The following DLC1 variants were observed in gnomAD, a reference collection of about 807,000 sequenced individuals.
DLC1 encodes the protein DLC1 Rho GTPase activating protein, also known as rho GTPase-activating protein 7.
Under a neutral mutation model 140.3 loss-of-function variants are expected in DLC1, and 54 were observed. The ratio of observed to expected loss-of-function variants is 0.38; its 90% CI spans 0.31 to 0.48. DLC1 has a LOEUF of 0.48. DLC1 is among the 20% of genes least tolerant of loss of function. The probability of loss-of-function intolerance (pLI) is 0.96; values close to 1 mark genes in which losing one functional copy is unlikely to be tolerated. For missense variants in DLC1, 2,536 were observed against 1,907.0 expected, an observed-to-expected ratio of 1.33 and a Z score of -6.14; for synonymous variants, 986 against 728.1, an observed-to-expected ratio of 1.35 and a Z score of -5.70.
intron 5 of DLC1, among the ~76,000 whole-genome samples, chr8:13,247,499 G>A (rs1483951451): frequency 6.6e-6 from 1 of 152,154 alleles, no homozygotes; most frequent in Non-Finnish European, 1.5e-5. Flanking sequence ...TCATGAGACA[G>A]ATGTATTCAT....
chr8:13,246,524 A>G (rs1038290081), intron 5 of DLC1, among the ~76,000 whole-genome samples: 1 of 151,954 alleles, frequency 6.6e-6, no homozygotes, highest in Non-Finnish European at 1.5e-5. Context: ...GTGTGTGTGT[A>G]TGTGTGATCA....
At chr8:13,382,390 C>T (rs1355673122) in intron 4 of DLC1, among the ~76,000 whole-genome samples, 4 of 149,654 alleles carry the variant, frequency 2.7e-5, no homozygotes, top group Non-Finnish European at 5.9e-5. Flanking sequence ...GCCTGTAGTC[C>T]CAGCTACTCG....
In DLC1 at chr8:13,269,401, C is replaced by T. The variant is rs77331640; in HGVS notation, c.1348+35868G>A. Among the ~76,000 whole-genome samples the T allele has an allele frequency of 6.0e-3, 909 of 152,242 alleles. 10 individuals are homozygous for T. The highest frequency in any genetic ancestry group is 0.021 in the African/African-American group (862 of 41,530). On this transcript the variant is annotated intron_variant, in intron 5 of 17. Transcript: ENST00000276297. Reference sequence around the variant, plus strand: ...ATCCATCATCATCACACACAAACAACTCCAGCACATGCCAACTGAATGGCA... The same window carrying T: ...ATCCATCATCATCACACACAAACAATTCCAGCACATGCCAACTGAATGGCA...
At chr8:13,330,007 C>G (rs1357582279) in intron 4 of DLC1, among the ~76,000 whole-genome samples, 2 of 152,164 alleles carry the variant, frequency 1.3e-5, no homozygotes, top group East Asian at 3.9e-4. Context: ...CTCTGTTACC[C>G]AGGCTGGAGT....
chr8:13,097,753 C>A (rs187253070), intron 10 of DLC1, among the ~76,000 whole-genome samples: 1 of 152,078 alleles, frequency 6.6e-6, no homozygotes, highest in Non-Finnish European at 1.5e-5. Flanking sequence ...GCCTATACCA[C>A]GTGATGCAAG....
At chr8:13,323,681 G>C (rs1833221080) in intron 4 of DLC1, among the ~76,000 whole-genome samples, 1 of 152,118 alleles carries the variant, frequency 6.6e-6, no homozygotes, top group Non-Finnish European at 1.5e-5. Context: ...TGCATAGTCA[G>C]GCATATGGTA....
At chr8:13,275,907 G>C (rs1037851871) in intron 5 of DLC1, among the ~76,000 whole-genome samples, 1 of 152,116 alleles carries the variant, frequency 6.6e-6, no homozygotes, top group African/African-American at 2.4e-5. Flanking sequence ...CAGCCCCGAG[G>C]ATCTCAGGGC....
At chr8:13,527,132 T>C (rs1427062742) in intron 1 of DLC1, among the ~76,000 whole-genome samples, 1 of 152,152 alleles carries the variant, frequency 6.6e-6, no homozygotes, top group Non-Finnish European at 1.5e-5. Context: ...TACTGATCGA[T>C]TGAGTGACTG....
At chr8:13,553,228 G>GTATATATATATATATATA (rs59463537) in intron 1 of DLC1, among the ~76,000 whole-genome samples, 1 of 47,478 alleles carries the variant, frequency 2.1e-5, no homozygotes. Flanking sequence ...ATATATATAT[G>GTATATATATATATATATA]TATATATATA....
intron 4 of DLC1, among the ~76,000 whole-genome samples, chr8:13,343,229 C>A (rs1401087465): frequency 6.6e-6 from 1 of 152,170 alleles, no homozygotes; most frequent in Non-Finnish European, 1.5e-5. Context: ...GAATACCCGG[C>A]TTCCTCCAGT....
chr8:13,470,372 A>T (rs1053027845), intron 2 of DLC1, among the ~76,000 whole-genome samples: 1 of 152,088 alleles, frequency 6.6e-6, no homozygotes, highest in Non-Finnish European at 1.5e-5. Flanking sequence ...ATAACTCAAT[A>T]AAAATAAAAA....
intron 5 of DLC1, among the ~76,000 whole-genome samples, chr8:13,239,158 TG>T (rs1829431782): frequency 6.6e-6 from 1 of 152,136 alleles, no homozygotes; most frequent in South Asian, 2.1e-4. Context: ...GAAGAACAAC[TG>T]GCAATATGTT....
chr8:13,201,657 G>A (rs1827386069), intron 5 of DLC1, among the ~76,000 whole-genome samples: 3 of 151,928 alleles, frequency 2.0e-5, no homozygotes, highest in East Asian at 1.9e-4. Context: ...GAGATTTTTG[G>A]AGTCTCCAAA....
intron 5 of DLC1, among the ~76,000 whole-genome samples, chr8:13,176,691 A>C (rs545520358): frequency 6.6e-6 from 1 of 152,280 alleles, no homozygotes; most frequent in Non-Finnish European, 1.5e-5. Context: ...CCATATCCTA[A>C]TCCCAGGAGC....
intron 4 of DLC1, among the ~76,000 whole-genome samples, chr8:13,359,947 T>G (rs1586204821): frequency 6.6e-6 from 1 of 152,182 alleles, no homozygotes; most frequent in African/African-American, 2.4e-5. Context: ...TTGACAGAAA[T>G]GAGACACTTG....
At chr8:13,475,720 G>C (rs1177505551) in intron 2 of DLC1, among the ~76,000 whole-genome samples, 6 of 152,156 alleles carry the variant, frequency 3.9e-5, no homozygotes, top group Non-Finnish European at 8.8e-5. Context: ...ATCCCTAGAA[G>C]AACATACTAA....
intron 12 of DLC1, 131 bp downstream of exon 12, chr8:13,094,628 T>C (rs545957397): frequency 2.0e-4 from 227 of 1,126,974 alleles, no homozygotes; most frequent in Non-Finnish European, 2.4e-4. Flanking sequence ...GTCACGCCAC[T>C]GCACTCCAGC....
intron 2 of DLC1, among the ~76,000 whole-genome samples, chr8:13,443,945 C>A (rs759287686): frequency 3.0e-4 from 46 of 152,150 alleles, no homozygotes; most frequent in Non-Finnish European, 5.6e-4. Flanking sequence ...AGTTAGCCAG[C>A]AATATCCTGA....
intron 1 of DLC1, among the ~76,000 whole-genome samples, chr8:13,568,499 A>G (rs1804535202): frequency 6.6e-6 from 1 of 152,294 alleles, no homozygotes; most frequent in East Asian, 1.9e-4. Context: ...GAGGTGCAAA[A>G]TAAATTGGGG....
Sources: allele counts gnomAD v4.1 joint callset (sites outside exome capture counted in the v4.1 genomes callset), GRCh38; gene constraint gnomAD v4.1.1; transcripts MANE v1.5; gene names NCBI Gene and HGNC (gene_info 2026-07-23, HGNC 2026-07-21).